Variants in EYS observed in about 807,000 individuals in gnomAD.
EYS encodes the protein protein eyes shut homolog.
EYS carries 250 observed loss-of-function variants against 282.1 expected under a neutral mutation model. The ratio of observed to expected loss-of-function variants is 0.89; its 90% CI spans 0.80 to 0.98. The LOEUF (loss-of-function observed/expected upper bound fraction) is 0.98. Ranked by LOEUF, EYS falls within the 50% of genes least tolerant of loss-of-function variation. The probability of loss-of-function intolerance (pLI) is 0.00; values close to 1 mark genes in which losing one functional copy is unlikely to be tolerated. For synonymous variants in EYS, 1,355 were observed against 1,282.9 expected, an observed-to-expected ratio of 1.06 and a Z score of -1.20; for missense variants, 4,016 against 3,709.0, an observed-to-expected ratio of 1.08 and a Z score of -2.15.
chr6:65,436,828 G>A (rs986102409), intron 5 of EYS, among the ~76,000 whole-genome samples: 2 of 151,998 alleles, frequency 1.3e-5, no homozygotes, highest in Admixed American at 1.3e-4. Context: ...AAGAATGGTT[G>A]AAATTTTAAT....
At chr6:63,939,801 A>G (rs1273832424) in intron 35 of EYS, among the ~76,000 whole-genome samples, 1 of 152,236 alleles carries the variant, frequency 6.6e-6, no homozygotes, top group Non-Finnish European at 1.5e-5. Context: ...ACACAAATCT[A>G]TTATAAATAT....
At chr6:65,570,360 C>T (rs1395831253) in intron 2 of EYS, among the ~76,000 whole-genome samples, 1 of 152,180 alleles carries the variant, frequency 6.6e-6, no homozygotes, top group African/African-American at 2.4e-5. Context: ...AATAGGTTCT[C>T]TATACTCTTC....
chr6:65,337,997 A>G (rs895756028), intron 10 of EYS, among the ~76,000 whole-genome samples: 4 of 151,272 alleles, frequency 2.6e-5, no homozygotes, highest in African/African-American at 4.8e-5. Flanking sequence ...TGAAAGAACT[A>G]AAGTTGAATA....
intron 1 of EYS, among the ~76,000 whole-genome samples, chr6:65,645,377 A>T: frequency 6.6e-6 from 1 of 152,336 alleles, no homozygotes; most frequent in East Asian, 1.9e-4. Context: ...CAACTCCAAA[A>T]GGAACCTTCA....
At chr6:65,558,060 G>C (rs1768888640) in intron 2 of EYS, among the ~76,000 whole-genome samples, 1 of 152,160 alleles carries the variant, frequency 6.6e-6, no homozygotes, top group Non-Finnish European at 1.5e-5. Context: ...TGGCATCCGA[G>C]CCCCCAGGCT....
intron 31 of EYS, among the ~76,000 whole-genome samples, chr6:64,117,334 C>A (rs1040455131): frequency 1.5e-4 from 22 of 149,582 alleles, no homozygotes; most frequent in Non-Finnish European, 2.4e-4. Context: ...AACAACCCCC[C>A]CCCCAATTAG....
At chr6:64,289,347 A>C (rs1768616411) in intron 30 of EYS, among the ~76,000 whole-genome samples, 1 of 151,984 alleles carries the variant, frequency 6.6e-6, no homozygotes, top group South Asian at 2.1e-4. Flanking sequence ...GGCAACATAA[A>C]ATCTCTTATA....
chr6:65,043,027 G>T (rs948551610), intron 13 of EYS, among the ~76,000 whole-genome samples: 1 of 151,254 alleles, frequency 6.6e-6, no homozygotes, highest in Admixed American at 6.6e-5. Context: ...TATAGGACCG[G>T]GATGGCCTGA....
At chr6:63,724,947 G>A (rs902943740) in intron 42 of EYS, among the ~76,000 whole-genome samples, 3 of 151,970 alleles carry the variant, frequency 2.0e-5, no homozygotes, top group Non-Finnish European at 4.4e-5. Context: ...CTTAGAGAAG[G>A]TACAAAGTAC....
intron 22 of EYS, among the ~76,000 whole-genome samples, chr6:64,644,289 A>T (rs1459377013): frequency 6.7e-6 from 1 of 149,084 alleles, no homozygotes; most frequent in Non-Finnish European, 1.5e-5. Context: ...AGCCATAAAA[A>T]TTCTATATAT....
intron 32 of EYS, among the ~76,000 whole-genome samples, chr6:64,075,700 T>C (rs1393460454): frequency 1.3e-5 from 2 of 151,924 alleles, no homozygotes; most frequent in African/African-American, 4.8e-5. Context: ...CTTAATTCCC[T>C]AGACAAGGTA....
chr6:63,917,635 T>A (rs1464892997), intron 35 of EYS, among the ~76,000 whole-genome samples: 1 of 152,202 alleles, frequency 6.6e-6, no homozygotes, highest in Non-Finnish European at 1.5e-5. Flanking sequence ...TTGTACCAAA[T>A]GTCAAATGGC....
intron 22 of EYS, among the ~76,000 whole-genome samples, chr6:64,703,427 A>ATTTTTTTTTTTTTTT (rs1488123469): frequency 7.0e-5 from 2 of 28,416 alleles, no homozygotes; most frequent in Non-Finnish European, 7.7e-5. Context: ...ATATATATAT[A>ATTTTTTTTTTTTTTT]TATTTTTTTT....
chr6:64,519,958 GA>G (rs1435666258), intron 26 of EYS, among the ~76,000 whole-genome samples: 1 of 151,788 alleles, frequency 6.6e-6, no homozygotes, highest in Non-Finnish European at 1.5e-5. Context: ...TATGCAAAAT[GA>G]AAAGAGGGTT....
intron 31 of EYS, among the ~76,000 whole-genome samples, chr6:64,154,290 A>G (rs1774840463): frequency 6.6e-6 from 1 of 151,926 alleles, no homozygotes; most frequent in Non-Finnish European, 1.5e-5. Flanking sequence ...AAAATACAAA[A>G]TTAGCTGGGC....
intron 1 of EYS, among the ~76,000 whole-genome samples, chr6:65,699,966 T>A (rs1769603244): frequency 6.6e-6 from 1 of 150,994 alleles, no homozygotes; most frequent in South Asian, 2.1e-4. Context: ...TACAAAAAAA[T>A]TAGCCGGGCG....
At chr6:64,782,029 A>G (rs1157658437) in intron 22 of EYS, among the ~76,000 whole-genome samples, 1 of 152,162 alleles carries the variant, frequency 6.6e-6, no homozygotes, top group Non-Finnish European at 1.5e-5. Context: ...CAATTTCTTC[A>G]CCAGTAAAAC....
intron 35 of EYS, among the ~76,000 whole-genome samples, chr6:63,872,206 G>A (rs1365456644): frequency 4.6e-5 from 7 of 152,198 alleles, no homozygotes; most frequent in South Asian, 4.1e-4. Flanking sequence ...TTTCAGCAGC[G>A]CCCCATTATA....
At chr6:63,725,009 TAAAC>T (rs1404196342) in intron 42 of EYS, among the ~76,000 whole-genome samples, 1 of 152,168 alleles carries the variant, frequency 6.6e-6, no homozygotes, top group Non-Finnish European at 1.5e-5. Context: ...AGACTTCAAA[TAAAC>T]TTGTTATATC....
Sources: allele counts gnomAD v4.1 joint callset (sites outside exome capture counted in the v4.1 genomes callset), GRCh38; gene constraint gnomAD v4.1.1; transcripts MANE v1.5; gene names NCBI Gene and HGNC (gene_info 2026-07-23, HGNC 2026-07-21).